The following CAPSL variants were observed in gnomAD, a reference collection of about 807,000 sequenced individuals.
The protein encoded by CAPSL is calcyphosine like, also known as calcyphosin-like protein.
CAPSL carries 17 observed loss-of-function variants against 21.3 expected under a neutral mutation model. That is an observed-to-expected ratio of 0.80 (90% CI 0.55 to 1.20). The LOEUF (loss-of-function observed/expected upper bound fraction) is 1.20. CAPSL is among the 50% of genes most tolerant of loss of function. CAPSL has a pLI of 0.00. For missense variants in CAPSL, 289 were observed against 259.3 expected, an observed-to-expected ratio of 1.11 and a Z score of -0.79; for synonymous variants, 102 against 89.3, an observed-to-expected ratio of 1.14 and a Z score of -0.80.
In CAPSL at chr5:35,904,608, C is replaced by G. The variant is rs149516161; in HGVS notation, c.564G>C (p.Val188=). The change falls in exon 5 of 5, where the codon GTG becomes GTC. Residue 188 remains valine (V), a synonymous_variant. Transcript: ENST00000651391. The stretch of plus-strand genomic sequence containing the variant: ...ACACATCAGTGTCAATGGATGCGCT[C>G]ACACCTGCATAGTAGTTCATGAACT... ...PEEFMNYYAG[V]SASIDTDVYF... 2.0e-4 allele frequency: 318 copies of G among 1,613,778 alleles called. No homozygotes were observed. The African/African-American group carries it at 4.0e-3, about 20-fold the overall frequency.
At chr5:35,909,830 G>A (rs1580879428) in intron 4 of CAPSL, 36 bp downstream of exon 4, 6 of 1,544,292 alleles carry the variant, frequency 3.9e-6, no homozygotes, top group Non-Finnish European at 5.3e-6. Context: ...ATTTCGAATT[G>A]AAGAAATTTC....
chr5:35,911,768 A>G (rs1738229198), intron 2 of CAPSL, among the ~76,000 whole-genome samples: 1 of 152,178 alleles, frequency 6.6e-6, no homozygotes, highest in South Asian at 2.1e-4. Context: ...CCAAATAGGA[A>G]CAGCTCCAGT....
At chr5:35,916,679 TGGATCCCTTCCTTACACCTTACACAAAAA>T (rs1248405827) in intron 2 of CAPSL, among the ~76,000 whole-genome samples, 2 of 152,218 alleles carry the variant, frequency 1.3e-5, no homozygotes, top group Non-Finnish European at 2.9e-5. Flanking sequence ...AAGCTGAAAC[TGGATCCCTTCCTTACACCTTACACAAAAA>T]TTAATTCAAG....
chr5:35,935,727 G>C (rs1193825830), intron 1 of CAPSL, among the ~76,000 whole-genome samples: 1 of 151,558 alleles, frequency 6.6e-6, no homozygotes, highest in Non-Finnish European at 1.5e-5. Context: ...CAGACTTTTG[G>C]CCCTACATTT....
At chr5:35,929,812 AC>A (rs764584030) in intron 1 of CAPSL, among the ~76,000 whole-genome samples, 3 of 151,874 alleles carry the variant, frequency 2.0e-5, no homozygotes, top group Non-Finnish European at 2.9e-5. Context: ...CCTAAACATG[AC>A]CCCTTCTCCC....
intron 1 of CAPSL, among the ~76,000 whole-genome samples, chr5:35,931,010 A>C (rs538850918): frequency 6.6e-6 from 1 of 152,200 alleles, no homozygotes; most frequent in East Asian, 1.9e-4. Context: ...ATCCATGCCA[A>C]CTTAGAGCCC....
At chr5:35,929,505 C>T (rs1283638420) in intron 1 of CAPSL, among the ~76,000 whole-genome samples, 1 of 152,064 alleles carries the variant, frequency 6.6e-6, no homozygotes, top group African/African-American at 2.4e-5. Flanking sequence ...GTTGGCCAGG[C>T]TGGTCTCGAA....
intron 2 of CAPSL, among the ~76,000 whole-genome samples, chr5:35,915,037 G>C (rs575054674): frequency 6.6e-6 from 1 of 152,162 alleles, no homozygotes; most frequent in African/African-American, 2.4e-5. Context: ...TATCACCACC[G>C]ATCCCACAGA....
intron 1 of CAPSL, among the ~76,000 whole-genome samples, chr5:35,930,115 A>G (rs1199311029): frequency 1.3e-5 from 2 of 152,112 alleles, no homozygotes; most frequent in Non-Finnish European, 2.9e-5. Context: ...CATACCACAT[A>G]AAGTATGACG....
chr5:35,905,944 A>ATTG (rs1760665229), intron 4 of CAPSL, among the ~76,000 whole-genome samples: 1 of 152,246 alleles, frequency 6.6e-6, no homozygotes, highest in African/African-American at 2.4e-5. Context: ...ATCCCAGTTA[A>ATTG]TTGTTGTGCA....
Position 35,926,075 on chromosome 5 carries a change from C to CA in CAPSL, c.1-4956dup, listed in dbSNP as rs34711454. Among the ~76,000 whole-genome samples, 871 of 102,776 alleles carry CA rather than the reference C, an allele frequency of 8.5e-3. 17 individuals carry two copies. The highest frequency in any genetic ancestry group is 0.037 in the South Asian group (103 of 2,762). The allele number at this position is 102,776 out of a possible 152,430, so 67.4% of individuals were successfully genotyped here. ...TGGGCGGCTGAGCTAGACTCCGTCT[C>CA]AAAAAAAAAAAAAAAAAAACGAAAA... On this transcript the variant is annotated intron_variant, in intron 1 of 4. Transcript: ENST00000651391.
chr5:35,927,064 C>T (rs7722700), intron 1 of CAPSL, among the ~76,000 whole-genome samples: 29,262 of 152,020 alleles, frequency 0.19, 2,907 homozygotes, highest in Non-Finnish European at 0.21. Flanking sequence ...GCGAGATGTG[C>T]TTGAGGAGGG....
At chr5:35,916,410 A>C (rs1409625287) in intron 2 of CAPSL, among the ~76,000 whole-genome samples, 1 of 152,244 alleles carries the variant, frequency 6.6e-6, no homozygotes, top group Non-Finnish European at 1.5e-5. Flanking sequence ...TTGCCAAGAC[A>C]ATCCTAAGAC....
chr5:35,931,435 T>C (rs1285052054), intron 1 of CAPSL, among the ~76,000 whole-genome samples: 3 of 15,486 alleles, frequency 1.9e-4, no homozygotes, highest in Non-Finnish European at 5.9e-4. Context: ...ACACAATGTG[T>C]TACAAAAAAA....
rs759342773 is a variant in CAPSL, at chr5:35,910,431, A to G, written c.250T>C (p.Phe84Leu). The change falls in exon 3 of 5, where the codon TTC (phenylalanine) becomes CTC (leucine). Residue 84 changes from phenylalanine (F) to leucine (L), a missense_variant. Phe to Leu is a conservative substitution (Grantham distance 22, BLOSUM62 0). Coordinates refer to ENST00000651391, the MANE Select transcript of CAPSL (RefSeq NM_001042625.2). Reference sequence around the variant, plus strand: ...TTTCCATCTTTATCAAACCTCCGGAAAAGTTCTTCCACCTCTTCTTTTTCC... The same window carrying G: ...TTTCCATCTTTATCAAACCTCCGGAGAAGTTCTTCCACCTCTTCTTTTTCC... Reference protein sequence around the residue: ...VMEKEEVEELFRRFDKDGNGT... With the variant: ...VMEKEEVEELLRRFDKDGNGT... 9.9e-6 allele frequency: 16 copies of G among 1,613,880 alleles called. No individual in the cohort carries two copies. The East Asian group carries it at 3.3e-4, about 34-fold the overall frequency.
intron 2 of CAPSL, among the ~76,000 whole-genome samples, chr5:35,916,729 G>A (rs1197666192): frequency 6.6e-6 from 1 of 152,168 alleles, no homozygotes; most frequent in African/African-American, 2.4e-5. Context: ...ATGGATTAAA[G>A]ACTTACATGT....
chr5:35,926,008 G>A (rs1365705195), intron 1 of CAPSL, among the ~76,000 whole-genome samples: 3 of 150,836 alleles, frequency 2.0e-5, no homozygotes, highest in African/African-American at 7.4e-5. Flanking sequence ...CCCAGGAGAC[G>A]GTGGTTACAG....
Position 35,904,295 on chromosome 5 carries a change from T to TGTA in CAPSL, c.*249_*250insTAC. On this transcript the variant is annotated 3_prime_UTR_variant, in exon 5 of 5. Transcript: ENST00000651391. ...CATGTATCAGCACAGCACTAGGAGC[T>TGTA]TTACAGAGCTCATTTTATTTAAGTC... The TGTA allele has an allele frequency of 1.9e-6, 1 of 527,418 alleles. No individual in the cohort carries two copies. 32.7% of individuals were successfully genotyped at this position (527,418 alleles called of 1,614,324 possible). A position where few individuals can be genotyped will look rare whatever the true frequency, so the allele number is the denominator to read the frequency against.
chr5:35,920,965 A>AAGT lies in CAPSL; in HGVS notation c.137+18_137+19insACT. ...ATTCCTTCCCGCTCCATTCCCTGCC[A>AAGT]CTTGTAGCTGGGTCCTACCTGCCAA... On this transcript the variant is annotated intron_variant, in intron 2 of 4. Coordinates refer to ENST00000651391, the MANE Select transcript of CAPSL (RefSeq NM_001042625.2). 1.2e-6 allele frequency: 2 copies of AAGT among 1,611,690 alleles called. No homozygotes were observed. The highest frequency in any genetic ancestry group is 1.7e-6 in the Non-Finnish European group (2 of 1,179,078).
Sources: allele counts gnomAD v4.1 joint callset (sites outside exome capture counted in the v4.1 genomes callset), GRCh38; gene constraint gnomAD v4.1.1; transcripts MANE v1.5; gene names NCBI Gene and HGNC (gene_info 2026-07-23, HGNC 2026-07-21).